The following SETBP1 variants were observed in gnomAD, a reference collection of about 807,000 sequenced individuals.
SETBP1 encodes SET binding protein 1.
SETBP1 carries 9 observed loss-of-function variants against 101.0 expected under a neutral mutation model. That is an observed-to-expected ratio of 0.09 (90% CI 0.05 to 0.16). The LOEUF (loss-of-function observed/expected upper bound fraction) is 0.16, where lower values mean the gene tolerates loss of function less well. Ranked by LOEUF, SETBP1 falls within the 10% of genes least tolerant of loss-of-function variation. The pLI is 1.00. For synonymous variants in SETBP1, 818 were observed against 788.5 expected, an observed-to-expected ratio of 1.04 and a Z score of -0.63; for missense variants, 1,858 against 2,033.8, an observed-to-expected ratio of 0.91 and a Z score of 1.66.
intron 4 of SETBP1, among the ~76,000 whole-genome samples, chr18:44,974,895 A>G (rs2071951941): frequency 6.6e-6 from 1 of 152,228 alleles, no homozygotes; most frequent in Non-Finnish European, 1.5e-5. Context: ...AAAATAGGAT[A>G]CATTTTTACT....
intron 3 of SETBP1, among the ~76,000 whole-genome samples, chr18:44,928,553 A>C (rs1161536590): frequency 1.3e-5 from 2 of 152,230 alleles, no homozygotes; most frequent in Non-Finnish European, 2.9e-5. Flanking sequence ...CCAACAGTGT[A>C]AAAGCATTCC....
At position 45,063,710 on chromosome 18, in the gene SETBP1, G is replaced by A. The variant is rs1455783912; in HGVS notation, c.*12G>A. 2.5e-6 allele frequency: 4 copies of A among 1,601,898 alleles called. No individual in the cohort carries two copies. In the East Asian group the frequency reaches 9.0e-5, roughly 36 times the overall value. Reference sequence around the variant, plus strand: ...AGGTCCTTCCCTAGGGCGGGTCTGGGCGTCTGCACCTGGGGCCTAGGGAAC... The same window carrying A: ...AGGTCCTTCCCTAGGGCGGGTCTGGACGTCTGCACCTGGGGCCTAGGGAAC... On this transcript the variant is annotated 3_prime_UTR_variant, in exon 6 of 6. Coordinates refer to ENST00000649279, the MANE Select transcript of SETBP1 (RefSeq NM_015559.3).
chr18:44,714,802 T>G (rs2069426776), intron 2 of SETBP1, among the ~76,000 whole-genome samples: 1 of 152,100 alleles, frequency 6.6e-6, no homozygotes, highest in African/African-American at 2.4e-5. Flanking sequence ...CCCAGGGCAC[T>G]GTATTTAATA....
intron 4 of SETBP1, among the ~76,000 whole-genome samples, chr18:45,016,867 G>T (rs535752699): frequency 7.1e-6 from 1 of 140,636 alleles, no homozygotes; most frequent in Non-Finnish European, 1.5e-5. Context: ...TTTCAGAGCC[G>T]ACTCTGGTAA....
intron 3 of SETBP1, among the ~76,000 whole-genome samples, chr18:44,908,973 G>A (rs1418749926): frequency 4.6e-5 from 7 of 152,032 alleles, no homozygotes; most frequent in African/African-American, 1.5e-4. Context: ...TATTAACCTA[G>A]CATTGTCATC....
In SETBP1 at chr18:44,948,977, A is replaced by G. The variant is rs1050351986; in HGVS notation, c.541-904A>G. ...ACAAAGTTTGGAGGAGTGATCTTGA[A>G]TGACAACTATTTTTTTTTCCTGACA... is the stretch of plus-strand genomic sequence containing the variant. On this transcript the variant is annotated intron_variant, in intron 3 of 5. Transcript: ENST00000649279. Among the ~76,000 whole-genome samples the G allele has an allele frequency of 2.8e-4, 41 of 145,190 alleles. 1 individual carries two copies. The highest frequency in any genetic ancestry group is 7.7e-4 in the Admixed American group (11 of 14,268).
chr18:44,851,088 G>A (rs1211920671), intron 2 of SETBP1, among the ~76,000 whole-genome samples: 1 of 152,180 alleles, frequency 6.6e-6, no homozygotes, highest in Non-Finnish European at 1.5e-5. Context: ...TGGTCTGGCT[G>A]ATGAAGCGGG....
Position 44,976,210 on chromosome 18 carries a change from C to A in SETBP1, c.4000+22870C>A, listed in dbSNP as rs538442452. Among the ~76,000 whole-genome samples the A allele has an allele frequency of 2.0e-5, 3 of 152,210 alleles. No homozygotes were observed. The East Asian group carries it at 5.8e-4, about 29-fold the overall frequency. Reference sequence around the variant, plus strand: ...CCAGGAAATGTGCTGGAGCAGGAAGCAGGCGGCAGGTGCTGAGGAACAGCA... The same window carrying A: ...CCAGGAAATGTGCTGGAGCAGGAAGAAGGCGGCAGGTGCTGAGGAACAGCA... On this transcript the variant is annotated intron_variant, in intron 4 of 5. Transcript: ENST00000649279.
intron 4 of SETBP1, among the ~76,000 whole-genome samples, chr18:44,966,028 G>A (rs1177071613): frequency 1.3e-5 from 2 of 152,168 alleles, no homozygotes; most frequent in Non-Finnish European, 2.9e-5. Flanking sequence ...AACAAAGCTC[G>A]ATTGCATCTG....
chr18:44,825,761 G>C (rs1297721823), intron 2 of SETBP1, among the ~76,000 whole-genome samples: 3 of 152,170 alleles, frequency 2.0e-5, no homozygotes, highest in Non-Finnish European at 4.4e-5. Context: ...TAATAATAAT[G>C]TCCTTGTCTT....
chr18:44,894,180 T>A (rs928832011), intron 3 of SETBP1, among the ~76,000 whole-genome samples: 1 of 152,214 alleles, frequency 6.6e-6, no homozygotes, highest in Non-Finnish European at 1.5e-5. Context: ...AGCAGGTCAC[T>A]TCCCCTCTCT....
At chr18:44,975,733 C>T (rs1470166728) in intron 4 of SETBP1, among the ~76,000 whole-genome samples, 1 of 152,172 alleles carries the variant, frequency 6.6e-6, no homozygotes, top group Non-Finnish European at 1.5e-5. Flanking sequence ...GAAAAGTCAT[C>T]TTTTCCCAAT....
At chr18:44,975,643 A>G (rs1251411020) in intron 4 of SETBP1, among the ~76,000 whole-genome samples, 1 of 152,220 alleles carries the variant, frequency 6.6e-6, no homozygotes, top group Admixed American at 6.5e-5. Flanking sequence ...AAATACTCGA[A>G]TAAGCAAAAA....
chr18:44,815,562 G>GT (rs1207995553), intron 2 of SETBP1, among the ~76,000 whole-genome samples: 2 of 152,146 alleles, frequency 1.3e-5, no homozygotes, highest in Admixed American at 1.3e-4. Context: ...TTCTGGACAT[G>GT]TTTTTTTGAT....
At chr18:44,725,757 T>A (rs949903280) in intron 2 of SETBP1, among the ~76,000 whole-genome samples, 1 of 152,146 alleles carries the variant, frequency 6.6e-6, no homozygotes, top group East Asian at 1.9e-4. Flanking sequence ...CTGGGTGTGC[T>A]GTCACCTCTT....
intron 2 of SETBP1, among the ~76,000 whole-genome samples, chr18:44,808,933 G>A (rs980922179): frequency 2.0e-4 from 30 of 152,206 alleles, no homozygotes; most frequent in African/African-American, 6.5e-4. Flanking sequence ...GCAGGATTAG[G>A]TTCCCGCAGC....
chr18:45,011,951 T>G (rs574305025), intron 4 of SETBP1, among the ~76,000 whole-genome samples: 93 of 152,294 alleles, frequency 6.1e-4, no homozygotes, highest in Admixed American at 1.2e-3. Flanking sequence ...TCTAGAGAAG[T>G]TTCTTTAAAA....
At chr18:44,690,521 T>G (rs1242938819) in intron 1 of SETBP1, among the ~76,000 whole-genome samples, 1 of 152,244 alleles carries the variant, frequency 6.6e-6, no homozygotes, top group African/African-American at 2.4e-5. Flanking sequence ...CCTCATTGCC[T>G]CCAAGTATGT....
intron 4 of SETBP1, among the ~76,000 whole-genome samples, chr18:45,024,068 A>C (rs981859609): frequency 6.6e-6 from 1 of 152,046 alleles, no homozygotes; most frequent in Admixed American, 6.5e-5. Flanking sequence ...ACGTATTTGG[A>C]TTTTGATCCT....
Sources: allele counts gnomAD v4.1 joint callset (sites outside exome capture counted in the v4.1 genomes callset), GRCh38; gene constraint gnomAD v4.1.1; transcripts MANE v1.5; gene names NCBI Gene and HGNC (gene_info 2026-07-23, HGNC 2026-07-21).